WWOX: variants seen among roughly 807,000 people sequenced by gnomAD.
WWOX encodes the protein WW domain-containing oxidoreductase.
In WWOX, 69 loss-of-function variants were observed where a neutral mutation model predicts 46.2. The ratio of observed to expected loss-of-function variants is 1.49; its 90% CI spans 1.23 to 1.82. WWOX has a LOEUF of 1.82. Among genes scored for constraint, WWOX ranks in the 40% most tolerant of loss-of-function variants. The probability of loss-of-function intolerance (pLI) is 0.00; values close to 1 mark genes in which losing one functional copy is unlikely to be tolerated. For synonymous variants in WWOX, 359 were observed against 202.6 expected, an observed-to-expected ratio of 1.77 and a Z score of -6.56; for missense variants, 919 against 542.6, an observed-to-expected ratio of 1.69 and a Z score of -6.89.
Position 78,471,342 on chromosome 16 carries a change from G to T in WWOX, c.1056+38590G>T, listed in dbSNP as rs558302231. On this transcript the variant is annotated intron_variant, in intron 8 of 8. Transcript: ENST00000566780. Reference sequence around the variant, plus strand: ...GCCCTCGGAGATGAGGATGCTTTGCGAATGTAACAGGCATCTCTCACCTCA... The same window carrying T: ...GCCCTCGGAGATGAGGATGCTTTGCTAATGTAACAGGCATCTCTCACCTCA... Among the ~76,000 whole-genome samples, 101 of 152,322 alleles carry T rather than the reference G, an allele frequency of 6.6e-4. 1 individual carries two copies. Among genetic ancestry groups the T allele is most frequent in the African/African-American group, 2.4e-3 (98 of 41,572 alleles).
chr16:79,137,235 G>A (rs530620301), intron 8 of WWOX, among the ~76,000 whole-genome samples: 5 of 152,234 alleles, frequency 3.3e-5, no homozygotes, highest in Admixed American at 6.5e-5. Context: ...CTATTTCCTC[G>A]ATAGACCTTA....
chr16:79,103,580 A>G (rs60932568), intron 8 of WWOX, among the ~76,000 whole-genome samples: 1,713 of 152,260 alleles, frequency 0.011, 43 homozygotes, highest in African/African-American at 0.039. Flanking sequence ...ATTCCATACT[A>G]TCTGATTCAA....
At chr16:79,150,373 A>G (rs949445619) in intron 8 of WWOX, among the ~76,000 whole-genome samples, 4 of 152,256 alleles carry the variant, frequency 2.6e-5, no homozygotes, top group Non-Finnish European at 5.9e-5. Context: ...TCATAATTAT[A>G]TAGCATAGCA....
intron 8 of WWOX, among the ~76,000 whole-genome samples, chr16:78,846,560 A>C (rs542735229): frequency 6.6e-6 from 1 of 152,226 alleles, no homozygotes; most frequent in Admixed American, 6.5e-5. Flanking sequence ...AGGAATATAC[A>C]TAAGTGATGT....
intron 5 of WWOX, among the ~76,000 whole-genome samples, chr16:78,314,688 GTTTTTTTTTTTT>G (rs1423003477): frequency 2.2e-5 from 2 of 90,486 alleles, no homozygotes; most frequent in South Asian, 4.7e-4. Flanking sequence ...CCCTGCAGGG[GTTTTTTTTTTTT>G]GTTTTTTTTT....
chr16:78,750,733 G>A (rs2049457015), intron 8 of WWOX, among the ~76,000 whole-genome samples: 2 of 152,168 alleles, frequency 1.3e-5, no homozygotes, highest in African/African-American at 4.8e-5. Flanking sequence ...TTGTAAGTAA[G>A]AACATGCGGT....
intron 8 of WWOX, among the ~76,000 whole-genome samples, chr16:78,955,685 C>T (rs957612029): frequency 7.9e-5 from 12 of 151,118 alleles, no homozygotes; most frequent in Admixed American, 2.6e-4. Flanking sequence ...GGGTCTTGCT[C>T]TATTGCCCAG....
chr16:78,581,981 A>G (rs2045067858), intron 8 of WWOX, among the ~76,000 whole-genome samples: 1 of 152,192 alleles, frequency 6.6e-6, no homozygotes, highest in Non-Finnish European at 1.5e-5. Flanking sequence ...GTCAGGTATA[A>G]CTTGGGGCAT....
At chr16:78,538,804 A>C (rs1439048517) in intron 8 of WWOX, among the ~76,000 whole-genome samples, 1 of 152,206 alleles carries the variant, frequency 6.6e-6, no homozygotes, top group Non-Finnish European at 1.5e-5. Flanking sequence ...GCATGGGTGG[A>C]AATGTATAAA....
chr16:78,949,357 G>C (rs2046012430), intron 8 of WWOX, among the ~76,000 whole-genome samples: 1 of 152,218 alleles, frequency 6.6e-6, no homozygotes, highest in Admixed American at 6.5e-5. Flanking sequence ...TAGAAAATCT[G>C]ATACACTGTC....
intron 8 of WWOX, among the ~76,000 whole-genome samples, chr16:78,827,805 C>T (rs911169943): frequency 1.3e-5 from 2 of 152,204 alleles, no homozygotes; most frequent in Non-Finnish European, 1.5e-5. Flanking sequence ...GGCGCCACTG[C>T]ACTCTAGCCT....
rs555326863 is a variant in WWOX at position 79,063,726 on chromosome 16, C to T, written c.1057-147882C>T. On this transcript the variant is annotated intron_variant, in intron 8 of 8. Transcript: ENST00000566780. ...CCTCTGTGAAAAATCCACAGGTCTT[C>T]AAGAACCAGAAGAAAACAGAATAAA... Among the ~76,000 whole-genome samples the T allele has an allele frequency of 4.6e-5, 7 of 152,156 alleles. No homozygotes were observed. In the South Asian group the frequency reaches 1.5e-3, roughly 32 times the overall value.
At chr16:78,661,211 C>T (rs944664812) in intron 8 of WWOX, among the ~76,000 whole-genome samples, 9 of 152,274 alleles carry the variant, frequency 5.9e-5, no homozygotes, top group East Asian at 3.9e-4. Context: ...ACCATTCACA[C>T]GTGAGAATGC....
intron 5 of WWOX, among the ~76,000 whole-genome samples, chr16:78,187,297 AGAG>A (rs2035740233): frequency 6.6e-6 from 1 of 152,158 alleles, no homozygotes; most frequent in South Asian, 2.1e-4. Flanking sequence ...CACAAAGAAA[AGAG>A]GACTGCACTC....
intron 8 of WWOX, among the ~76,000 whole-genome samples, chr16:78,507,592 A>G (rs1313443243): frequency 6.6e-6 from 1 of 152,182 alleles, no homozygotes; most frequent in African/African-American, 2.4e-5. Flanking sequence ...GGCATGCAAC[A>G]TCAGTGTCAC....
intron 8 of WWOX, among the ~76,000 whole-genome samples, chr16:78,866,853 A>T (rs1445852446): frequency 6.6e-6 from 1 of 152,256 alleles, no homozygotes; most frequent in East Asian, 1.9e-4. Flanking sequence ...TAGTAGGGTC[A>T]GTAGGTGACC....
intron 5 of WWOX, among the ~76,000 whole-genome samples, chr16:78,313,627 A>G (rs1297839436): frequency 6.6e-6 from 1 of 152,100 alleles, no homozygotes; most frequent in Non-Finnish European, 1.5e-5. Context: ...TGGCCTCCCA[A>G]GGTGTTGGGA....
intron 8 of WWOX, among the ~76,000 whole-genome samples, chr16:79,062,782 G>T (rs577776376): frequency 2.6e-5 from 4 of 152,244 alleles, no homozygotes; most frequent in Admixed American, 1.3e-4. Context: ...GCCCTTCTTT[G>T]TGCATTCTGG....
At chr16:78,337,906 AGTGCCTGTCCTGC>A (rs1243881306) in intron 5 of WWOX, among the ~76,000 whole-genome samples, 1,135 of 117,084 alleles carry the variant, frequency 9.7e-3, no homozygotes, top group Non-Finnish European at 0.014. Flanking sequence ...TGTTCCTGGC[AGTGCCTGTCCTGC>A]TAACCTCGTG....
Sources: allele counts gnomAD v4.1 joint callset (sites outside exome capture counted in the v4.1 genomes callset), GRCh38; gene constraint gnomAD v4.1.1; transcripts MANE v1.5; gene names NCBI Gene and HGNC (gene_info 2026-07-23, HGNC 2026-07-21).